The following PITRM1 variants were observed in gnomAD, a reference collection of about 807,000 sequenced individuals.
PITRM1 encodes the protein pitrilysin metallopeptidase 1, also known as presequence protease, mitochondrial.
Under a neutral mutation model 129.9 loss-of-function variants are expected in PITRM1, and 100 were observed. That is an observed-to-expected ratio of 0.77 (90% confidence interval 0.65 to 0.91). The LOEUF (loss-of-function observed/expected upper bound fraction) is 0.91, where lower values mean the gene tolerates loss of function less well. Ranked by LOEUF, PITRM1 falls within the 40% of genes least tolerant of loss-of-function variation. PITRM1 has a pLI of 0.00. For missense variants in PITRM1, 1,471 were observed against 1,318.3 expected (o/e 1.12, Z -1.79); for synonymous variants, 591 against 508.8 (o/e 1.16, Z -2.17).
chr10:3,149,410 A>G (rs1169436815), intron 16 of PITRM1: 1 of 441,276 alleles, frequency 2.3e-6, no homozygotes, highest in African/African-American at 2.1e-5. Flanking sequence ...TCCTTATATT[A>G]TACCGTAGAT....
chr10:3,162,908 G>A (rs577049350), intron 7 of PITRM1, among the ~76,000 whole-genome samples: 10 of 152,142 alleles, frequency 6.6e-5, no homozygotes, highest in African/African-American at 2.4e-4. Context: ...ATCTGAATAT[G>A]GAATAAGAAA....
At chr10:3,148,510 T>A (rs1191489054) in intron 16 of PITRM1, 2 of 527,844 alleles carry the variant, frequency 3.8e-6, no homozygotes, top group African/African-American at 1.9e-5. Context: ...TTCTCCCGCC[T>A]AGGAAGTTAG....
At chr10:3,159,228 A>C (rs1842235852) in intron 9 of PITRM1, among the ~76,000 whole-genome samples, 186 bp from the exon 10 acceptor site, 1 of 152,252 alleles carries the variant, frequency 6.6e-6, no homozygotes, top group Non-Finnish European at 1.5e-5. Flanking sequence ...GGGGGCACAA[A>C]CCATCAAATT....
At chr10:3,143,247 T>C (rs780885314) in intron 23 of PITRM1, 142 bp downstream of exon 23, 4 of 621,754 alleles carry the variant, frequency 6.4e-6, no homozygotes, top group Non-Finnish European at 1.2e-5. Flanking sequence ...GGAGCACTCG[T>C]AGACTCACAC....
chr10:3,157,948 A>C lies in PITRM1; in HGVS notation c.1250+92T>G, dbSNP rs140973385. The C allele has an allele frequency of 7.0e-4, 548 of 782,130 alleles. 3 individuals carry two copies. The African/African-American group carries it at 7.3e-3, about 10-fold the overall frequency. The allele number at this position is 782,130 out of a possible 1,614,324, so 48.4% of individuals were successfully genotyped here. ...AAAGCATGTTATATGACAGAGAAGG[A>C]AGGCCGAAACAATGGATCAGGCTCA... On this transcript the variant is annotated intron_variant, in intron 11 of 26. Coordinates refer to ENST00000224949, the MANE Select transcript of PITRM1 (RefSeq NM_014889.4).
chr10:3,165,651 G>C, intron 4 of PITRM1, 124 bp from the exon 5 acceptor site: 2 of 656,310 alleles, frequency 3.0e-6, no homozygotes, highest in Non-Finnish European at 5.3e-6. Context: ...GGATGGGGCA[G>C]TGGCCCCATG....
intron 19 of PITRM1, 98 bp from the exon 20 acceptor site, chr10:3,147,348 G>A: frequency 4.8e-6 from 5 of 1,037,540 alleles, no homozygotes; most frequent in Non-Finnish European, 7.4e-6. Flanking sequence ...TGCTTGGGCA[G>A]GGGTTATGTG....
chr10:3,140,686 C>A lies in PITRM1; in HGVS notation c.2771+1G>T. The A allele has an allele frequency of 6.3e-7, 1 of 1,597,916 alleles. No homozygotes were observed. Among genetic ancestry groups the A allele is most frequent in the Non-Finnish European group, 8.5e-7 (1 of 1,171,652 alleles). Reference sequence around the variant, plus strand: ...AATGTGTGAACTAGAGCAAAACTCACCTGTAAGAGTAAAGGGTGAAAATCC... The same window carrying A: ...AATGTGTGAACTAGAGCAAAACTCAACTGTAAGAGTAAAGGGTGAAAATCC... On this transcript the variant is annotated splice_donor_variant, in intron 24 of 26. Coordinates refer to ENST00000224949, the MANE Select transcript of PITRM1 (RefSeq NM_014889.4). LOFTEE classifies it high-confidence loss of function.
chr10:3,162,051 A>C (rs1049694935), intron 7 of PITRM1, among the ~76,000 whole-genome samples: 1 of 151,210 alleles, frequency 6.6e-6, no homozygotes, highest in Non-Finnish European at 1.5e-5. Flanking sequence ...GTGCGCCTGT[A>C]GTCCCAGCTA....
intron 1 of PITRM1, among the ~76,000 whole-genome samples, chr10:3,171,183 A>AAAAAAAAAAAAAAAAAAAAAG (rs1843323485): frequency 6.8e-6 from 1 of 146,506 alleles, no homozygotes; most frequent in African/African-American, 2.5e-5. Flanking sequence ...AAAAAAAAAA[A>AAAAAAAAAAAAAAAAAAAAAG]ACCTTACCAA....
rs546266685 is a variant in PITRM1 at position 3,138,200 on chromosome 10, A to G, written c.3020+35T>C. 61 of 1,587,720 alleles carry G rather than the reference A, an allele frequency of 3.8e-5. No individual in the cohort carries two copies. The East Asian group carries it at 1.3e-3, about 35-fold the overall frequency. ...TGTTAGAGTCAGCACGAGGGCTTCC[A>G]GTCCCAGACGCTGTCTCCCCCGCTC... On this transcript the variant is annotated intron_variant, in intron 26 of 26. Coordinates refer to ENST00000224949, the MANE Select transcript of PITRM1 (RefSeq NM_014889.4).
intron 23 of PITRM1, chr10:3,141,531 A>G: frequency 3.5e-6 from 1 of 284,346 alleles, no homozygotes; most frequent in Non-Finnish European, 7.7e-6. Context: ...CTCTCTGATA[A>G]AGCACATTTC....
rs140554287 is a variant in PITRM1 at position 3,153,399 on chromosome 10, G to T, written c.1622-2036C>A. ...GTCACAAAACAGAGCTTAATAAGGGGGGAAAAAGAGTAAGGTTAAAAAATA... is the reference window on the plus strand; with the variant it reads ...GTCACAAAACAGAGCTTAATAAGGGTGGAAAAAGAGTAAGGTTAAAAAATA... On this transcript the variant is annotated intron_variant, in intron 14 of 26. Coordinates refer to ENST00000224949, the MANE Select transcript of PITRM1 (RefSeq NM_014889.4). Among the ~76,000 whole-genome samples the T allele has an allele frequency of 4.2e-3, 645 of 152,176 alleles. 5 individuals carry two copies. Among genetic ancestry groups the T allele is most frequent in the African/African-American group, 0.015 (628 of 41,522 alleles).
intron 18 of PITRM1, 94 bp downstream of exon 18, chr10:3,147,893 C>A (rs1375966363): frequency 2.5e-6 from 3 of 1,210,848 alleles, no homozygotes; most frequent in Non-Finnish European, 3.6e-6. Context: ...TGGAAAACAA[C>A]AACACACACG....
intron 16 of PITRM1, 35 bp downstream of exon 16, chr10:3,149,583 CATT>C (rs763754364): frequency 3.3e-6 from 5 of 1,510,066 alleles, no homozygotes; most frequent in Admixed American, 4.8e-5. Context: ...ACAAAGCAGA[CATT>C]AATAAGACAC....
At chr10:3,146,215 G>T (rs998515892) in intron 20 of PITRM1, 3 of 162,256 alleles carry the variant, frequency 1.8e-5, no homozygotes, top group Admixed American at 5.9e-5. Context: ...TCATATAAAA[G>T]CTACTTGAAC....
intron 21 of PITRM1, chr10:3,145,118 C>T (rs922703053): frequency 3.2e-5 from 5 of 157,008 alleles, no homozygotes; most frequent in African/African-American, 7.2e-5. Flanking sequence ...AAGACATGAG[C>T]GTCAACCTCC....
intron 14 of PITRM1, among the ~76,000 whole-genome samples, chr10:3,154,203 C>T (rs1841771052): frequency 6.6e-6 from 1 of 152,246 alleles, no homozygotes; most frequent in South Asian, 2.1e-4. Context: ...AAGCGTGCAT[C>T]ATTGTTGCGC....
intron 6 of PITRM1, among the ~76,000 whole-genome samples, chr10:3,164,726 G>T (rs180742492): frequency 2.0e-5 from 3 of 152,268 alleles, no homozygotes; most frequent in East Asian, 3.9e-4. Context: ...ATTCATTAAG[G>T]TAAGCCATCA....
Sources: gnomAD v4.1 joint callset for allele counts (sites outside exome capture counted in the v4.1 genomes callset) on GRCh38, gnomAD v4.1.1 for gene constraint, MANE v1.5 for transcripts, NCBI Gene and HGNC (gene_info 2026-07-23, HGNC 2026-07-21) for gene names.